The following NFKB2 variants were observed in gnomAD, a reference collection of about 807,000 sequenced individuals.
NFKB2 encodes the protein nuclear factor NF-kappa-B p100 subunit.
NFKB2 carries 21 observed loss-of-function variants against 109.3 expected under a neutral mutation model. The observed-to-expected ratio is 0.19, with a 90% CI of 0.14 to 0.28. NFKB2 has a LOEUF of 0.28. Among genes scored for constraint, NFKB2 ranks in the 10% least tolerant of loss-of-function variants. The pLI is 1.00. For missense variants in NFKB2, 806 were observed against 1,185.3 expected (o/e 0.68, Z 4.70); for synonymous variants, 478 against 489.9 (o/e 0.98, Z 0.32).
intron 12 of NFKB2, 69 bp from the exon 13 acceptor site, chr10:102,399,219 A>G (rs1589864403): frequency 3.0e-6 from 4 of 1,352,368 alleles, no homozygotes; most frequent in South Asian, 1.4e-5. Context: ...CCGTCTCAAA[A>G]AAAAAAAAAA....
rs749453390 is a variant in NFKB2 at position 102,401,064 on chromosome 10, C to T, written c.2071+15C>T. On this transcript the variant is annotated intron_variant, in intron 18 of 22. Transcript: ENST00000661543. The surrounding 1 kb of genome is among the most constrained non-coding windows in gnomAD (Gnocchi z 4.2). ...TCTGAAGGCTGGTCAGTCTCACCCTCAGGGGCACTTGAACAGGGTGGGGGG... is the reference window on the plus strand; with the variant it reads ...TCTGAAGGCTGGTCAGTCTCACCCTTAGGGGCACTTGAACAGGGTGGGGGG... 2 of 1,613,896 alleles carry T rather than the reference C, an allele frequency of 1.2e-6. No homozygotes were observed. Among genetic ancestry groups the T allele is most frequent in the Non-Finnish European group, 1.7e-6 (2 of 1,179,948 alleles).
rs563533528 is a variant in NFKB2, at chr10:102,401,157, C to T, written c.2072-23C>T. The T allele has an allele frequency of 1.3e-6, 2 of 1,592,126 alleles. No individual in the cohort carries two copies. The highest frequency in any genetic ancestry group is 2.7e-5 in the African/African-American group (2 of 74,570). ...TAATGTAGGCCCCCACCATACCGCC[C>T]CATGACGGCCTCCCTCTCCCAGGTG... On this transcript the variant is annotated intron_variant, in intron 18 of 22. Transcript: ENST00000661543. The surrounding 1 kb of genome is among the most constrained non-coding windows in gnomAD (Gnocchi z 4.2).
Position 102,398,762 on chromosome 10 carries a change from C to T in NFKB2, c.1015C>T (p.Arg339Trp). The T allele has an allele frequency of 6.2e-7, 1 of 1,612,498 alleles. No individual in the cohort carries two copies. The highest frequency in any genetic ancestry group is 1.1e-5 in the South Asian group (1 of 91,024). Residue 339 changes from arginine (R) to tryptophan (W), a missense_variant, in exon 12 of 23, where the codon CGG becomes TGG. Physicochemically the swap from Arg to Trp is moderately radical, Grantham distance 101. Coordinates refer to ENST00000661543, the MANE Select transcript of NFKB2 (RefSeq NM_001322934.2). This position sits in a 1 kb window ranked among gnomAD's most constrained non-coding sequence, Gnocchi z 6.6. ...AGACAAGGAAGAGGTGCAGCGGAAGCGGAGGAAGGCCTTGCCCACCTTCTC... is the reference window on the plus strand; with the variant it reads ...AGACAAGGAAGAGGTGCAGCGGAAGTGGAGGAAGGCCTTGCCCACCTTCTC... ...VEDKEEVQRK[R>W]RKALPTFSQP... is the part of the protein sequence containing the mutation.
Position 102,400,578 on chromosome 10 carries a change from C to A in NFKB2, c.1799-77C>A, listed in dbSNP as rs779609849. On this transcript the variant is annotated intron_variant, in intron 16 of 22. Coordinates refer to ENST00000661543, the MANE Select transcript of NFKB2 (RefSeq NM_001322934.2). The surrounding 1 kb of genome is among the most constrained non-coding windows in gnomAD (Gnocchi z 6.3). ...GTGCCCAGAATGGACTATGAGGTGT[C>A]GAGATTGAATGGTCAGGGCTGGTCC... 6.3e-7 allele frequency: 1 copy of A among 1,597,818 alleles called. No individual in the cohort carries two copies. The highest frequency in any genetic ancestry group is 1.3e-5 in the African/African-American group (1 of 74,696).
Position 102,395,731 on chromosome 10 carries a change from G to C in NFKB2, c.-138G>C, listed in dbSNP as rs1416936585. 1 of 597,454 alleles carries C rather than the reference G, an allele frequency of 1.7e-6. No individual in the cohort carries two copies. The highest frequency in any genetic ancestry group is 2.9e-5 in the Admixed American group (1 of 34,972). The allele number at this position is 597,454 out of a possible 1,614,324, so 37.0% of individuals were successfully genotyped here. ...ACTTTCCTGCCCCTTCCCCGGCCAA[G>C]CCCAACTCCGGATCTCGCTCTCCAC... On this transcript the variant is annotated 5_prime_UTR_variant, in exon 1 of 23. Transcript: ENST00000661543.
intron 13 of NFKB2, 22 bp from the exon 14 acceptor site, chr10:102,399,555 C>A: frequency 6.5e-7 from 1 of 1,546,418 alleles, no homozygotes; most frequent in Middle Eastern, 1.7e-4. Context: ...TAGCCCTGAC[C>A]CACGCCCTCT....
chr10:102,401,895 G>A lies in NFKB2; in HGVS notation c.2444G>A (p.Gly815Asp). The change falls in exon 21 of 23, where the codon GGC becomes GAC. Residue 815 changes from glycine to aspartate, a missense_variant. By Grantham distance (94) the Gly-to-Asp change is moderately conservative. Around this residue, in one of 10 missense-constraint regions of NFKB2, gnomAD observed 211 missense variants for 268.7 expected, o/e 0.79. Transcript: ENST00000661543. This position sits in a 1 kb window ranked among gnomAD's most constrained non-coding sequence, Gnocchi z 4.2. The stretch of plus-strand genomic sequence containing the variant: ...TACCGACAGACAACCTCACCCAGTG[G>A]CAGCCTCCTGCGCAGCTACGAGGTG... ...DTYRQTTSPS[G>D]SLLRSYELAG... 1.9e-6 allele frequency: 3 copies of A among 1,612,908 alleles called. No homozygotes were observed. The highest frequency in any genetic ancestry group is 2.5e-6 in the Non-Finnish European group (3 of 1,179,602).
At position 102,396,105 on chromosome 10, in the gene NFKB2, C is replaced by T; in HGVS notation, c.21+125C>T. The T allele has an allele frequency of 6.8e-7, 1 of 1,480,012 alleles. No individual in the cohort carries two copies. Among genetic ancestry groups the T allele is most frequent in the Non-Finnish European group, 9.4e-7 (1 of 1,065,698 alleles). The allele number at this position is 1,480,012 out of a possible 1,614,324, so 91.7% of individuals were successfully genotyped here. A position where few individuals can be genotyped will look rare whatever the true frequency, so the allele number is the denominator to read the frequency against. On this transcript the variant is annotated intron_variant, in intron 2 of 22. Coordinates refer to ENST00000661543, the MANE Select transcript of NFKB2 (RefSeq NM_001322934.2). This position sits in a 1 kb window ranked among gnomAD's most constrained non-coding sequence, Gnocchi z 5.9. ...AGATGCTCTCAGCCTGCCAGTCTGT[C>T]CATCTGTCTGCAACTCTGCCTCCAA...
Position 102,400,178 on chromosome 10 carries a change from C to T in NFKB2, c.1568C>T (p.Thr523Ile). ...CAGGACCTCGGCGTTGTCAACCTCA[C>T]CAACCACCTGCACCAGGTGCGGGGG... ...HAQDLGVVNL[T>I]NHLHQTPLHL... is the part of the protein sequence containing the mutation. Residue 523 changes from threonine to isoleucine, a missense_variant, in exon 15 of 23, where the codon ACC becomes ATC. By Grantham distance (89) the Thr-to-Ile change is moderately conservative. This residue lies in a region of NFKB2 where 163 missense variants were observed against 207.1 expected (regional missense o/e 0.79). Coordinates refer to ENST00000661543, the MANE Select transcript of NFKB2 (RefSeq NM_001322934.2). This position sits in a 1 kb window ranked among gnomAD's most constrained non-coding sequence, Gnocchi z 6.3. 1 of 1,614,172 alleles carries T rather than the reference C, an allele frequency of 6.2e-7. No individual in the cohort carries two copies. Among genetic ancestry groups the T allele is most frequent in the Non-Finnish European group, 8.5e-7 (1 of 1,180,022 alleles).
chr10:102,397,970 C>T lies in NFKB2; in HGVS notation c.662-11C>T, dbSNP rs4919632. 0.97 allele frequency: 1,566,925 copies of T among 1,613,662 alleles called. 762,264 individuals carry two copies. Among genetic ancestry groups the T allele is most frequent in the East Asian group, 1 (44,871 of 44,890 alleles). On this transcript the variant is annotated splice_polypyrimidine_tract_variant and intron_variant, in intron 8 of 22. Coordinates refer to ENST00000661543, the MANE Select transcript of NFKB2 (RefSeq NM_001322934.2). The surrounding 1 kb of genome is among the most constrained non-coding windows in gnomAD (Gnocchi z 4.7). ...TGCATCATCTCAACTAATCCATATC[C>T]CACTCCATAGAATCTCCGGGGGCAT...
Position 102,398,093 on chromosome 10 carries a change from T to G in NFKB2, c.766+8T>G. On this transcript the variant is annotated splice_region_variant and intron_variant, in intron 9 of 22. Transcript: ENST00000661543. The surrounding 1 kb of genome is among the most constrained non-coding windows in gnomAD (Gnocchi z 6.6). ...GTGACAAGGTGCAGAAAGGTGAGAC[T>G]GGAGCCCACTTTGGGCACCAAGGAC... is the stretch of plus-strand genomic sequence containing the variant. The G allele has an allele frequency of 6.2e-7, 1 of 1,614,020 alleles. No individual in the cohort carries two copies. Among genetic ancestry groups the G allele is most frequent in the Non-Finnish European group, 8.5e-7 (1 of 1,179,864 alleles).
Position 102,401,655 on chromosome 10 carries a change from C to T in NFKB2, c.2294-90C>T, listed in dbSNP as rs1056878232. 1.3e-6 allele frequency: 2 copies of T among 1,535,948 alleles called. No individual in the cohort carries two copies. The highest frequency in any genetic ancestry group is 8.8e-7 in the Non-Finnish European group (1 of 1,133,870). Reference sequence around the variant, plus strand: ...TCACCCCTCATGGTCCTGTCTGTCGCTTACCTTGGGAGAAAGGCAGTGTTC... The same window carrying T: ...TCACCCCTCATGGTCCTGTCTGTCGTTTACCTTGGGAGAAAGGCAGTGTTC... On this transcript the variant is annotated intron_variant, in intron 20 of 22. Transcript: ENST00000661543. The surrounding 1 kb of genome is among the most constrained non-coding windows in gnomAD (Gnocchi z 4.2).
upstream of NFKB2, chr10:102,394,649 GGGA>G (rs1470083424): frequency 6.5e-6 from 1 of 152,762 alleles, no homozygotes; most frequent in African/African-American, 2.4e-5. Context: ...AGAGAAAAGA[GGGA>G]GGAGGGCCTT....
Position 102,399,564 on chromosome 10 carries a change from CT to C in NFKB2, c.1328-12del. ...AGGACCTAGCCCTGACCCACGCCCT[CT>C]GTGGCCCGTAGCTCGAGAGTACAAC... On this transcript the variant is annotated splice_polypyrimidine_tract_variant and intron_variant, in intron 13 of 22. Coordinates refer to ENST00000661543, the MANE Select transcript of NFKB2 (RefSeq NM_001322934.2). The C allele has an allele frequency of 6.5e-7, 1 of 1,548,600 alleles. No individual in the cohort carries two copies. Among genetic ancestry groups the C allele is most frequent in the African/African-American group, 1.4e-5 (1 of 72,450 alleles).
chr10:102,399,547 G>T lies in NFKB2; in HGVS notation c.1328-30G>T, dbSNP rs1443849175. 6 of 1,543,656 alleles carry T rather than the reference G, an allele frequency of 3.9e-6. No individual in the cohort carries two copies. In the African/African-American group the frequency reaches 5.6e-5, roughly 14 times the overall value. The stretch of plus-strand genomic sequence containing the variant: ...TCGGGGCGCCGGGGCTGAGGACCTA[G>T]CCCTGACCCACGCCCTCTGTGGCCC... On this transcript the variant is annotated intron_variant, in intron 13 of 22. Transcript: ENST00000661543.
At chr10:102,395,704 T>G (rs980229854), upstream of NFKB2, 2 of 585,750 alleles carry the variant, frequency 3.4e-6, no homozygotes, top group Non-Finnish European at 6.1e-6. Context: ...TAAGCTGCTC[T>G]AACTTTCCTG....
Position 102,398,875 on chromosome 10 carries a change from A to G in NFKB2, c.1117+11A>G. On this transcript the variant is annotated intron_variant, in intron 12 of 22. Coordinates refer to ENST00000661543, the MANE Select transcript of NFKB2 (RefSeq NM_001322934.2). This position sits in a 1 kb window ranked among gnomAD's most constrained non-coding sequence, Gnocchi z 6.6. ...GAGGAGCTGGAGGAGGTGAGGGGGT[A>G]CTGATGGAGGGAGGGGTAAAGGTAA... 6.3e-7 allele frequency: 1 copy of G among 1,584,450 alleles called. No homozygotes were observed. Among genetic ancestry groups the G allele is most frequent in the Middle Eastern group, 1.7e-4 (1 of 5,782 alleles).
chr10:102,401,382 T>A lies in NFKB2; in HGVS notation c.2223+51T>A. ...GCTCTGAGTGACGGGGTCCAGAGTATCTGGACTTAAAGACACAGGCTTAAG... is the reference window on the plus strand; with the variant it reads ...GCTCTGAGTGACGGGGTCCAGAGTAACTGGACTTAAAGACACAGGCTTAAG... On this transcript the variant is annotated intron_variant, in intron 19 of 22. Transcript: ENST00000661543. The surrounding 1 kb of genome is among the most constrained non-coding windows in gnomAD (Gnocchi z 4.2). 1 of 1,612,756 alleles carries A rather than the reference T, an allele frequency of 6.2e-7. No homozygotes were observed. The highest frequency in any genetic ancestry group is 8.5e-7 in the Non-Finnish European group (1 of 1,179,416).
rs1173657529 is a variant in NFKB2, at chr10:102,399,602, C to A, written c.1353C>A (p.Phe451Leu). The A allele has an allele frequency of 1.9e-6, 3 of 1,548,670 alleles. No homozygotes were observed. The highest frequency in any genetic ancestry group is 2.6e-6 in the Non-Finnish European group (3 of 1,146,636). ...QRAREYNARL[F>L]GLAQRSARAL... ...CTCGAGAGTACAACGCGCGCCTGTT[C>A]GGCCTGGCGCAGCGCAGCGCCCGAG... The change falls in exon 14 of 23, where the codon TTC becomes TTA. Residue 451 changes from phenylalanine to leucine, a missense_variant. Around this residue, in one of 10 missense-constraint regions of NFKB2, gnomAD observed 209 missense variants for 211.9 expected, o/e 0.99. Coordinates refer to ENST00000661543, the MANE Select transcript of NFKB2 (RefSeq NM_001322934.2).
Sources: gnomAD v4.1 joint callset for allele counts on GRCh38, gnomAD v4.1.1 for gene constraint, gnomAD v4.1.1 regional missense constraint, Gnocchi (gnomAD v3.1) non-coding constraint, MANE v1.5 for transcripts, NCBI Gene and HGNC (gene_info 2026-07-23, HGNC 2026-07-21) for gene names.